The following LILRB2 variants were observed in gnomAD, a reference collection of about 807,000 sequenced individuals.
The protein encoded by LILRB2 is leukocyte immunoglobulin like receptor B2.
A neutral mutation model predicts 72.7 loss-of-function variants in LILRB2; 47 were observed. The observed-to-expected ratio is 0.65, with a 90% CI of 0.51 to 0.82. The LOEUF (loss-of-function observed/expected upper bound fraction) is 0.82. LILRB2 is among the 40% of genes least tolerant of loss of function. The probability of loss-of-function intolerance (pLI) is 0.00; values close to 1 mark genes in which losing one functional copy is unlikely to be tolerated. For missense variants in LILRB2, 767 were observed against 764.8 expected (o/e 1.00, Z -0.03); for synonymous variants, 279 against 313.7 (o/e 0.89, Z 1.17).
intron 1 of LILRB2, 109 bp downstream of exon 1, chr19:54,280,852 C>T (rs2147795970): frequency 1.4e-6 from 1 of 725,612 alleles, no homozygotes; most frequent in Non-Finnish European, 2.4e-6. Flanking sequence ...CTTGTGTCTG[C>T]CCTTCCTGAT....
intron 11 of LILRB2, 34 bp from the exon 12 acceptor site, chr19:54,276,335 A>G (rs766044481): frequency 1.9e-6 from 3 of 1,613,476 alleles, no homozygotes; most frequent in Admixed American, 3.3e-5. Flanking sequence ...GGGGCAGTGT[A>G]TGGGCCACGA....
In LILRB2 at chr19:54,278,346, G is replaced by A. The variant is rs201242685; in HGVS notation, c.1172C>T (p.Ala391Val). The change falls in exon 7 of 14, where the codon GCG (alanine) becomes GTG (valine). Residue 391 changes from alanine to valine, a missense_variant. Physicochemically the swap from Ala to Val is moderately conservative, Grantham distance 64. Around this residue, in one of 3 missense-constraint regions of LILRB2, gnomAD observed 599 missense variants for 568.2 expected, o/e 1.05. Transcript: ENST00000314446. The part of the protein sequence containing the change: ...FPMSPVTSAH[A>V]GTYRCYGSLN... ...TGAGCCGTAGCACCTGTAGGTCCCC[G>A]CGTGGGCTGAGGTCACAGGACTCAT... 196 of 1,614,222 alleles carry A rather than the reference G, an allele frequency of 1.2e-4. 1 individual carries two copies. The East Asian group carries it at 3.5e-3, about 29-fold the overall frequency.
rs7247538 is a variant in LILRB2, at chr19:54,278,869, G to A, written c.898C>T (p.His300Tyr). ...YGGQYRCYGA[H>Y]NLSSECSAPS... Reference sequence around the variant, plus strand: ...GCCGAGCACTCAGAGGAGAGGTTGTGTGCACCGTAGCATCTGTACTGGCCC... The same window carrying A: ...GCCGAGCACTCAGAGGAGAGGTTGTATGCACCGTAGCATCTGTACTGGCCC... The change falls in exon 6 of 14, where the codon CAC (histidine) becomes TAC (tyrosine). Residue 300 changes from histidine to tyrosine, a missense_variant. By Grantham distance (83) the His-to-Tyr change is moderately conservative. Transcript: ENST00000314446. 0.54 allele frequency: 849,573 copies of A among 1,569,558 alleles called. 236,958 individuals are homozygous for A. Among genetic ancestry groups the A allele is most frequent in the Non-Finnish European group, 0.59 (685,276 of 1,161,814 alleles).
Position 54,278,328 on chromosome 19 carries a change from TA to T in LILRB2, c.1189del (p.Tyr397ThrfsTer65). The T allele has an allele frequency of 6.2e-7, 1 of 1,614,186 alleles. No homozygotes were observed. The highest frequency in any genetic ancestry group is 8.5e-7 in the Non-Finnish European group (1 of 1,180,014). Reference sequence around the variant, plus strand: ...GTAGGGGTCGGAGTTGAGTGAGCCGTAGCACCTGTAGGTCCCCGCGTGGGCT... The same window carrying T: ...GTAGGGGTCGGAGTTGAGTGAGCCGTGCACCTGTAGGTCCCCGCGTGGGCT... ...TSAHAGTYRC[Y>X]GSLNSDPYLL... On this transcript the variant is annotated frameshift_variant, in exon 7 of 14. Transcript: ENST00000314446. LOFTEE classifies it high-confidence loss of function.
intron 4 of LILRB2, 47 bp from the exon 5 acceptor site, chr19:54,279,694 C>T (rs1317637027): frequency 5.0e-6 from 8 of 1,596,106 alleles, no homozygotes; most frequent in African/African-American, 4.0e-5. Context: ...CCACCTCCCA[C>T]ATCATCCCCA....
At position 54,273,829 on chromosome 19, in the gene LILRB2, G is replaced by T. The variant is rs2080087911; in HGVS notation, c.*854C>A. 6.6e-6 allele frequency: 1 copy of T among 151,492 alleles called. No individual in the cohort carries two copies. 9.4% of individuals were successfully genotyped at this position (151,492 alleles called of 1,614,324 possible). A position where few individuals can be genotyped will look rare whatever the true frequency, so the allele number is the denominator to read the frequency against. On this transcript the variant is annotated 3_prime_UTR_variant, in exon 14 of 14. Coordinates refer to ENST00000314446, the MANE Select transcript of LILRB2 (RefSeq NM_001080978.4). ...TCCTGAACTGGAGTTGATACGATGG[G>T]AACATTTTTATTACAGTCAATGTTT...
chr19:54,279,995 C>T lies in LILRB2; in HGVS notation c.151G>A (p.Gly51Arg). Reference protein sequence around the residue: ...QGSPVTLSCQGSLEAQEYRLY... With the variant: ...QGSPVTLSCQRSLEAQEYRLY... ...CGGTACTCCTGGGCTTCAAGGCTCCCCTGACAACTGAGGGTGACGGGACTC... is the reference window on the plus strand; with the variant it reads ...CGGTACTCCTGGGCTTCAAGGCTCCTCTGACAACTGAGGGTGACGGGACTC... Residue 51 changes from glycine to arginine, a missense_variant, in exon 4 of 14, where the codon GGG becomes AGG. By Grantham distance (125) the Gly-to-Arg change is moderately radical. This residue lies in a region of LILRB2 where 599 missense variants were observed against 568.2 expected (regional missense o/e 1.05). Coordinates refer to ENST00000314446, the MANE Select transcript of LILRB2 (RefSeq NM_001080978.4). 2 of 1,614,154 alleles carry T rather than the reference C, an allele frequency of 1.2e-6. No individual in the cohort carries two copies. Among genetic ancestry groups the T allele is most frequent in the Non-Finnish European group, 1.7e-6 (2 of 1,180,002 alleles).
rs1420250290 is a variant in LILRB2 at position 54,279,913 on chromosome 19, A to G, written c.233T>C (p.Val78Ala). Reference protein sequence around the residue: ...SWITRIRPELVKNGQFHIPSI... With the variant: ...SWITRIRPELAKNGQFHIPSI... ...TGGGATGTGGAACTGGCCGTTCTTC[A>G]CAAGCTCTGGTCGTATCCGTGTAAT... is the stretch of plus-strand genomic sequence containing the variant. The change falls in exon 4 of 14, where the codon GTG (valine) becomes GCG (alanine). Residue 78 changes from valine (V) to alanine (A), a missense_variant. Physicochemically the swap from Val to Ala is moderately conservative, Grantham distance 64. Around this residue, in one of 3 missense-constraint regions of LILRB2, gnomAD observed 599 missense variants for 568.2 expected, o/e 1.05. Transcript: ENST00000314446. The G allele has an allele frequency of 1.2e-6, 2 of 1,614,054 alleles. No homozygotes were observed. The highest frequency in any genetic ancestry group is 1.7e-6 in the Non-Finnish European group (2 of 1,179,980).
intron 9 of LILRB2, 136 bp downstream of exon 9, chr19:54,277,414 A>C: frequency 7.2e-7 from 1 of 1,379,704 alleles, no homozygotes. Flanking sequence ...TCTCCTTTAC[A>C]CTTGGAGAAA....
chr19:54,280,210 GC>G (rs1469297006), intron 3 of LILRB2, 53 bp downstream of exon 3: 1 of 1,613,182 alleles, frequency 6.2e-7, no homozygotes, highest in Non-Finnish European at 8.5e-7. Context: ...CACGGAGGTG[GC>G]CCCTTGTCCC....
chr19:54,275,553 C>CG (rs1486268507), intron 13 of LILRB2: 4 of 515,324 alleles, frequency 7.8e-6, no homozygotes, highest in Admixed American at 6.9e-5. Flanking sequence ...GCTCAGGAGG[C>CG]GGGGGCGGCT....
intron 4 of LILRB2, 42 bp downstream of exon 4, chr19:54,279,749 G>A (rs767275328): frequency 1.2e-6 from 2 of 1,611,288 alleles, no homozygotes; most frequent in Non-Finnish European, 8.5e-7. Flanking sequence ...CCTCCTTCCT[G>A]AGGGCAGAGC....
At chr19:54,274,887 G>T in intron 13 of LILRB2, 58 bp from the exon 14 acceptor site, 4 of 1,610,504 alleles carry the variant, frequency 2.5e-6, no homozygotes, top group Non-Finnish European at 3.4e-6. Context: ...AGGCCTGGGG[G>T]CCTGGAGAGG....
chr19:54,278,081 C>T, intron 7 of LILRB2, 142 bp from the exon 8 acceptor site: 3 of 1,114,034 alleles, frequency 2.7e-6, no homozygotes, highest in Non-Finnish European at 3.8e-6. Flanking sequence ...GCTGGCGATG[C>T]CGCTGAGTGT....
At position 54,278,348 on chromosome 19, in the gene LILRB2, G is replaced by A. The variant is rs373595683; in HGVS notation, c.1170C>T (p.His390=). The part of the protein sequence containing the change: ...EFPMSPVTSA[H]AGTYRCYGSL... ...AGCCGTAGCACCTGTAGGTCCCCGCGTGGGCTGAGGTCACAGGACTCATGG... is the reference window on the plus strand; with the variant it reads ...AGCCGTAGCACCTGTAGGTCCCCGCATGGGCTGAGGTCACAGGACTCATGG... Residue 390 remains histidine (H), a synonymous_variant, in exon 7 of 14, where the codon CAC becomes CAT. Coordinates refer to ENST00000314446, the MANE Select transcript of LILRB2 (RefSeq NM_001080978.4). 177 of 1,614,226 alleles carry A rather than the reference G, an allele frequency of 1.1e-4. No homozygotes were observed. Among genetic ancestry groups the A allele is most frequent in the Middle Eastern group, 3.3e-4 (2 of 6,060 alleles).
chr19:54,274,546 T>C lies in LILRB2; in HGVS notation c.*137A>G. On this transcript the variant is annotated 3_prime_UTR_variant, in exon 14 of 14. Transcript: ENST00000314446. ...CTGCAGAATCAAGTGAGTCCCAAAG[T>C]TCCCAGCATCTCCTCATGGTCTTTG... is the stretch of plus-strand genomic sequence containing the variant. 6.8e-7 allele frequency: 1 copy of C among 1,480,076 alleles called. No individual in the cohort carries two copies. Among genetic ancestry groups the C allele is most frequent in the East Asian group, 2.4e-5 (1 of 42,010 alleles). 91.7% of individuals were successfully genotyped at this position (1,480,076 alleles called of 1,614,324 possible).
rs202223934 is a variant in LILRB2 at position 54,278,472 on chromosome 19, C to T, written c.1046G>A (p.Arg349Gln). Reference protein sequence around the residue: ...ENVTLLCQSWRQFHTFLLTKA... With the variant: ...ENVTLLCQSWQQFHTFLLTKA... The stretch of plus-strand genomic sequence containing the variant: ...GGTCAGAAGGAAAGTGTGGAACTGC[C>T]GCCATGACTGACACAGCAGGGTCAC... The change falls in exon 7 of 14, where the codon CGG becomes CAG. Residue 349 changes from arginine to glutamine, a missense_variant. Around this residue, in one of 3 missense-constraint regions of LILRB2, gnomAD observed 599 missense variants for 568.2 expected, o/e 1.05. Coordinates refer to ENST00000314446, the MANE Select transcript of LILRB2 (RefSeq NM_001080978.4). The T allele has an allele frequency of 1.0e-4, 169 of 1,614,050 alleles. No homozygotes were observed. Among genetic ancestry groups the T allele is most frequent in the Middle Eastern group, 1.6e-4 (1 of 6,084 alleles).
At position 54,280,026 on chromosome 19, in the gene LILRB2, G is replaced by A. The variant is rs868068183; in HGVS notation, c.120C>T (p.Thr40=). 1.2e-6 allele frequency: 2 copies of A among 1,613,978 alleles called. No individual in the cohort carries two copies. Among genetic ancestry groups the A allele is most frequent in the Non-Finnish European group, 8.5e-7 (1 of 1,179,980 alleles). ...TLWAEPDSVI[T]QGSPVTLSCQ... ...AACTGAGGGTGACGGGACTCCCCTG[G>A]GTGATCACAGAGTCTGGCTCAGCCC... The change falls in exon 4 of 14, where the codon ACC becomes ACT. Residue 40 remains threonine, a synonymous_variant. Transcript: ENST00000314446.
chr19:54,280,653 C>T, intron 1 of LILRB2, 109 bp from the exon 2 acceptor site: 1 of 1,466,974 alleles, frequency 6.8e-7, no homozygotes, highest in Non-Finnish European at 9.4e-7. Context: ...TGCAGCCACA[C>T]AAGAAGCGGA....
Sources: gnomAD v4.1 joint callset for allele counts on GRCh38, gnomAD v4.1.1 for gene constraint, gnomAD v4.1.1 regional missense constraint, MANE v1.5 for transcripts, NCBI Gene and HGNC (gene_info 2026-07-23, HGNC 2026-07-21) for gene names.